LRCH4: variants seen among roughly 807,000 people sequenced by gnomAD.
LRCH4 encodes the protein leucine-rich repeat and calponin homology domain-containing protein 4.
LRCH4 carries 56 observed loss-of-function variants against 81.2 expected under a neutral mutation model. The observed-to-expected ratio is 0.69, with a 90% CI of 0.56 to 0.86. LRCH4 has a LOEUF of 0.86. Among genes scored for constraint, LRCH4 ranks in the 40% least tolerant of loss-of-function variants. The pLI is 0.00. For missense variants in LRCH4, 895 were observed against 922.8 expected (o/e 0.97, Z 0.39); for synonymous variants, 442 against 409.7 (o/e 1.08, Z -0.95).
chr7:100,582,634 G>A lies in LRCH4; in HGVS notation c.221-175C>T, dbSNP rs748361377. Among the ~76,000 whole-genome samples, 22 of 152,228 alleles carry A rather than the reference G, an allele frequency of 1.4e-4. No individual in the cohort carries two copies. Among genetic ancestry groups the A allele is most frequent in the Non-Finnish European group, 2.2e-4 (15 of 68,048 alleles). ...CTTCTGCCAACGGGAGCACATTCCA[G>A]GCGTGACCAGAATGGCACAGGGAAG... On this transcript the variant is annotated intron_variant, in intron 1 of 17. Coordinates refer to ENST00000310300, the MANE Select transcript of LRCH4 (RefSeq NM_002319.5). This position sits in a 1 kb window ranked among gnomAD's most constrained non-coding sequence, Gnocchi z 5.0.
chr7:100,574,952 G>T lies in LRCH4; in HGVS notation c.*155C>A. The T allele has an allele frequency of 1.4e-6, 1 of 710,508 alleles. No homozygotes were observed. Among genetic ancestry groups the T allele is most frequent in the Non-Finnish European group, 2.3e-6 (1 of 432,794 alleles). 44.0% of individuals were successfully genotyped at this position (710,508 alleles called of 1,614,324 possible). Reference sequence around the variant, plus strand: ...AGAGGCTGGGGGCCCAGGGTCTGGGGGCACCAGAGTGGGGCCTCTGAGGTC... The same window carrying T: ...AGAGGCTGGGGGCCCAGGGTCTGGGTGCACCAGAGTGGGGCCTCTGAGGTC... On this transcript the variant is annotated 3_prime_UTR_variant, in exon 18 of 18. Coordinates refer to ENST00000310300, the MANE Select transcript of LRCH4 (RefSeq NM_002319.5).
chr7:100,582,443 C>T lies in LRCH4; in HGVS notation c.237G>A (p.Arg79=), dbSNP rs1006898203. ...ACGCCGCCTCGGGCACCTCGGGAAACCGGTTCCGGGACAGGTCTGGGGAAA... is the reference window on the plus strand; with the variant it reads ...ACGCCGCCTCGGGCACCTCGGGAAATCGGTTCCGGGACAGGTCTGGGGAAA... The part of the protein sequence containing the change: ...DITQADLSRN[R]FPEVPEAACQ... Residue 79 remains arginine, a synonymous_variant, in exon 2 of 18, where the codon CGG becomes CGA. Transcript: ENST00000310300. The surrounding 1 kb of genome is among the most constrained non-coding windows in gnomAD (Gnocchi z 5.0). 2.5e-6 allele frequency: 4 copies of T among 1,610,220 alleles called. No individual in the cohort carries two copies. Among genetic ancestry groups the T allele is most frequent in the Non-Finnish European group, 3.4e-6 (4 of 1,179,910 alleles).
chr7:100,579,916 T>C (rs1801478596), intron 4 of LRCH4: 1 of 152,236 alleles, frequency 6.6e-6, no homozygotes, highest in Non-Finnish European at 1.5e-5. Flanking sequence ...CAGGACATCT[T>C]GCTTGGATTT....
Position 100,576,287 on chromosome 7 carries a change from C to T in LRCH4, c.1589G>A (p.Arg530Gln), listed in dbSNP as rs759535697. 4.1e-5 allele frequency: 66 copies of T among 1,613,970 alleles called. No homozygotes were observed. Among genetic ancestry groups the T allele is most frequent in the Non-Finnish European group, 4.9e-5 (58 of 1,180,014 alleles). The change falls in exon 15 of 18, where the codon CGG becomes CAG. Residue 530 changes from arginine to glutamine, a missense_variant. By Grantham distance (43) the Arg-to-Gln change is conservative. Coordinates refer to ENST00000310300, the MANE Select transcript of LRCH4 (RefSeq NM_002319.5). ...SSPDSVLRPR[R>Q]YPQVPDEKDL... ...CTTCTCATCTGGAACCTGGGGGTAC[C>T]GCCGAGGTCTCAGGACAGAGTCTGG...
Position 100,585,861 on chromosome 7 carries a change from C to T in LRCH4, c.220+20G>A. 1.3e-6 allele frequency: 2 copies of T among 1,548,052 alleles called. No individual in the cohort carries two copies. Among genetic ancestry groups the T allele is most frequent in the Non-Finnish European group, 1.8e-6 (2 of 1,141,762 alleles). On this transcript the variant is annotated intron_variant, in intron 1 of 17. Transcript: ENST00000310300. ...TGCAAATGAGGGACCCGGTTGGGCC[C>T]GGGGCCCGGCTGCACTCACCAGCCT...
At position 100,576,074 on chromosome 7, in the gene LRCH4, G is replaced by T. The variant is rs750774505; in HGVS notation, c.1639-66C>A. On this transcript the variant is annotated intron_variant, in intron 15 of 17. Coordinates refer to ENST00000310300, the MANE Select transcript of LRCH4 (RefSeq NM_002319.5). ...GAGGCGTCTGGGAGGCAGGGAGAGT[G>T]GGGGGCTCAGGGCTAGCAGGGAACT... The T allele has an allele frequency of 6.0e-4, 916 of 1,533,180 alleles. 1 individual carries two copies. The Middle Eastern group carries it at 6.1e-3, about 10-fold the overall frequency. The allele number at this position is 1,533,180 out of a possible 1,614,324, so 95.0% of individuals were successfully genotyped here. A position where few individuals can be genotyped will look rare whatever the true frequency, so the allele number is the denominator to read the frequency against.
chr7:100,577,727 A>G lies in LRCH4; in HGVS notation c.1053T>C (p.Pro351=). Residue 351 remains proline (P), a synonymous_variant, in exon 9 of 18, where the codon CCT becomes CCC. Transcript: ENST00000310300. This position sits in a 1 kb window ranked among gnomAD's most constrained non-coding sequence, Gnocchi z 6.7. ...GGCTGTCGATGAAGTCAATCTGCACAGGGTCTCCGTCCGCTGGGGAGGCCA... is the reference window on the plus strand; with the variant it reads ...GGCTGTCGATGAAGTCAATCTGCACGGGGTCTCCGTCCGCTGGGGAGGCCA... ...RKEDGSADGD[P]VQIDFIDSHV... The G allele has an allele frequency of 6.2e-7, 1 of 1,614,082 alleles. No individual in the cohort carries two copies. The highest frequency in any genetic ancestry group is 8.5e-7 in the Non-Finnish European group (1 of 1,179,990).
chr7:100,574,384 C>T lies in LRCH4; in HGVS notation c.*723G>A. 1 of 156,196 alleles carries T rather than the reference C, an allele frequency of 6.4e-6. No individual in the cohort carries two copies. Among genetic ancestry groups the T allele is most frequent in the South Asian group, 1.7e-4 (1 of 5,850 alleles). The allele number at this position is 156,196 out of a possible 1,614,324, so 9.7% of individuals were successfully genotyped here. On this transcript the variant is annotated 3_prime_UTR_variant, in exon 18 of 18. Coordinates refer to ENST00000310300, the MANE Select transcript of LRCH4 (RefSeq NM_002319.5). ...GGGGGAAGGGGCCGGGTTAGCTTCC[C>T]CACGGTGCCCCCTGCGGCTTCCGGC...
rs1432411552 is a variant in LRCH4 at position 100,577,007 on chromosome 7, TGAG to T, written c.1365-5_1365-3del. 1.2e-6 allele frequency: 2 copies of T among 1,612,948 alleles called. No homozygotes were observed. Among genetic ancestry groups the T allele is most frequent in the South Asian group, 2.2e-5 (2 of 91,064 alleles). On this transcript the variant is annotated splice_polypyrimidine_tract_variant and splice_region_variant and intron_variant, in intron 12 of 17. Coordinates refer to ENST00000310300, the MANE Select transcript of LRCH4 (RefSeq NM_002319.5). The surrounding 1 kb of genome is among the most constrained non-coding windows in gnomAD (Gnocchi z 6.7). The stretch of plus-strand genomic sequence containing the variant: ...GAGGCACTGGACTTAGGCGAGCCGC[TGAG>T]GAGAGACAGAAGGGAATTAGAGGGA...
Position 100,575,753 on chromosome 7 carries a change from C to T in LRCH4, c.1806G>A (p.Lys602=), listed in dbSNP as rs1299239249. The stretch of plus-strand genomic sequence containing the variant: ...AGGCTTCTAGAAAACTCTCCACATT[C>T]TTCCGAGCCTTGAGGGCACTGAGTT... ...VPKLSALKAR[K]NVESFLEACR... Residue 602 remains lysine, a synonymous_variant, in exon 17 of 18, where the codon AAG becomes AAA. Transcript: ENST00000310300. The surrounding 1 kb of genome is among the most constrained non-coding windows in gnomAD (Gnocchi z 5.3). 2.5e-6 allele frequency: 4 copies of T among 1,612,680 alleles called. No homozygotes were observed. The highest frequency in any genetic ancestry group is 3.4e-6 in the Non-Finnish European group (4 of 1,178,928).
Position 100,575,991 on chromosome 7 carries a change from C to T in LRCH4, c.1656G>A (p.Leu552=). ...CCAGGTCCTCAGGCAGGGGCCGCTG[C>T]AGCCGGGACTCAAGGACCTGGCAGT... ...TQLRQVLESR[L]QRPLPEDLAE... Residue 552 remains leucine, a synonymous_variant, in exon 16 of 18, where the codon CTG becomes CTA. Transcript: ENST00000310300. The surrounding 1 kb of genome is among the most constrained non-coding windows in gnomAD (Gnocchi z 5.3). 6.2e-7 allele frequency: 1 copy of T among 1,605,794 alleles called. No homozygotes were observed. Among genetic ancestry groups the T allele is most frequent in the Non-Finnish European group, 8.5e-7 (1 of 1,178,822 alleles).
intron 1 of LRCH4, chr7:100,585,178 G>A (rs1304431145): frequency 1.0e-5 from 2 of 199,188 alleles, no homozygotes; most frequent in Non-Finnish European, 2.1e-5. Context: ...AAACTGAAAT[G>A]GGAATTCTAA....
chr7:100,574,481 G>A lies in LRCH4; in HGVS notation c.*626C>T, dbSNP rs992247825. 2.0e-5 allele frequency: 3 copies of A among 152,856 alleles called. No individual in the cohort carries two copies. Among genetic ancestry groups the A allele is most frequent in the Admixed American group, 1.3e-4 (2 of 15,288 alleles). 9.5% of individuals were successfully genotyped at this position (152,856 alleles called of 1,614,324 possible). A position where few individuals can be genotyped will look rare whatever the true frequency, so the allele number is the denominator to read the frequency against. Reference sequence around the variant, plus strand: ...GGGCTCGGCGACAAATGAGACGCAAGAAAGCTGTCAGCGATAACAGAAGGG... The same window carrying A: ...GGGCTCGGCGACAAATGAGACGCAAAAAAGCTGTCAGCGATAACAGAAGGG... On this transcript the variant is annotated 3_prime_UTR_variant, in exon 18 of 18. Coordinates refer to ENST00000310300, the MANE Select transcript of LRCH4 (RefSeq NM_002319.5).
At position 100,583,207 on chromosome 7, in the gene LRCH4, G is replaced by A. The variant is rs574681484; in HGVS notation, c.221-748C>T. On this transcript the variant is annotated intron_variant, in intron 1 of 17. Transcript: ENST00000310300. The surrounding 1 kb of genome is among the most constrained non-coding windows in gnomAD (Gnocchi z 4.3). ...TACCCTCTGCTAGCCCTAGCAGCCC[G>A]GCTCTGCTTCCTCTCTTACTGACAC... Among the ~76,000 whole-genome samples, 3 of 152,250 alleles carry A rather than the reference G, an allele frequency of 2.0e-5. No individual in the cohort carries two copies. Among genetic ancestry groups the A allele is most frequent in the South Asian group, 4.1e-4 (2 of 4,826 alleles).
rs373831159 is a variant in LRCH4 at position 100,575,663 on chromosome 7, G to A, written c.1854+42C>T. On this transcript the variant is annotated intron_variant, in intron 17 of 17. Transcript: ENST00000310300. The surrounding 1 kb of genome is among the most constrained non-coding windows in gnomAD (Gnocchi z 5.3). ...CACCATCCATGCCACATGCTCGGCT[G>A]AGTCCGGCATGCCACCACTCTTTAG... The A allele has an allele frequency of 5.5e-5, 89 of 1,604,784 alleles. No individual in the cohort carries two copies. Among genetic ancestry groups the A allele is most frequent in the Non-Finnish European group, 7.3e-5 (86 of 1,171,508 alleles).
At chr7:100,579,981 G>A (rs1801479899) in intron 4 of LRCH4, 1 of 152,166 alleles carries the variant, frequency 6.6e-6, no homozygotes, top group African/African-American at 2.4e-5. Flanking sequence ...GAAGGAAGAG[G>A]GCAGGTGCAG....
At chr7:100,576,185 C>T in intron 15 of LRCH4, 53 bp downstream of exon 15, 1 of 1,578,914 alleles carries the variant, frequency 6.3e-7, no homozygotes, top group South Asian at 1.1e-5. Context: ...GACAGCAACA[C>T]AAGGAGGTGC....
Position 100,575,121 on chromosome 7 carries a change from G to C in LRCH4, c.2038C>G (p.Leu680Val), listed in dbSNP as rs769269118. 3 of 1,609,736 alleles carry C rather than the reference G, an allele frequency of 1.9e-6. No homozygotes were observed. In the African/African-American group the frequency reaches 4.0e-5, roughly 22 times the overall value. Residue 680 changes from leucine to valine, a missense_variant, in exon 18 of 18, where the codon CTC (leucine) becomes GTC (valine). Leu to Val is a conservative substitution (Grantham distance 32, BLOSUM62 1). Around this residue, in one of 3 missense-constraint regions of LRCH4, gnomAD observed 529 missense variants for 504.9 expected, o/e 1.05. Transcript: ENST00000310300. The surrounding 1 kb of genome is among the most constrained non-coding windows in gnomAD (Gnocchi z 5.3). Reference sequence around the variant, plus strand: ...GATTTTGGGGCCTAGGAACCCAGGAGCCGAGTGTAGGTGACATAGAGCAGC... The same window carrying C: ...GATTTTGGGGCCTAGGAACCCAGGACCCGAGTGTAGGTGACATAGAGCAGC... ...MLLLYVTYTR[L>V]LGS
chr7:100,577,253 C>T lies in LRCH4; in HGVS notation c.1295+20G>A, dbSNP rs142550780. On this transcript the variant is annotated intron_variant, in intron 11 of 17. Transcript: ENST00000310300. The surrounding 1 kb of genome is among the most constrained non-coding windows in gnomAD (Gnocchi z 6.7). ...AGGGCTCAGTGTCCAGCAACAGCCC[C>T]GGGCGGCCCTGGGTCCCACCTATCC... The T allele has an allele frequency of 1.2e-3, 1,878 of 1,603,594 alleles. 14 individuals are homozygous for T. Among genetic ancestry groups the T allele is most frequent in the East Asian group, 0.01 (466 of 44,790 alleles).
Sources: allele counts gnomAD v4.1 joint callset (sites outside exome capture counted in the v4.1 genomes callset), GRCh38; gene constraint gnomAD v4.1.1; regional missense constraint gnomAD v4.1.1; non-coding constraint Gnocchi (gnomAD v3.1); transcripts MANE v1.5; gene names NCBI Gene and HGNC (gene_info 2026-07-23, HGNC 2026-07-21).